YEATS2: variants seen among roughly 807,000 people sequenced by gnomAD.
The protein encoded by YEATS2 is YEATS domain containing 2.
Under a neutral mutation model 163.2 loss-of-function variants are expected in YEATS2, and 77 were observed. That is an observed-to-expected ratio of 0.47 (90% CI 0.39 to 0.57). YEATS2 has a LOEUF of 0.57. Ranked by LOEUF, YEATS2 falls within the 20% of genes least tolerant of loss-of-function variation. The probability of loss-of-function intolerance (pLI) is 0.00; values close to 1 mark genes in which losing one functional copy is unlikely to be tolerated. For synonymous variants in YEATS2, 631 were observed against 645.1 expected, an observed-to-expected ratio of 0.98 and a Z score of 0.33; for missense variants, 1,549 against 1,729.8, an observed-to-expected ratio of 0.90 and a Z score of 1.85.
rs533180291 is a variant in YEATS2, at chr3:183,798,100, TC to T, written c.3226+53del. On this transcript the variant is annotated intron_variant, in intron 22 of 30. Coordinates refer to ENST00000305135, the MANE Select transcript of YEATS2 (RefSeq NM_018023.5). ...TCTGTGCTGTGGCTGCCTCCACATC[TC>T]CCCGCATTTACCAGGTGGTGACTGC... is the stretch of plus-strand genomic sequence containing the variant. The T allele has an allele frequency of 8.0e-3, 12,879 of 1,605,054 alleles. 85 individuals are homozygous for T. Among genetic ancestry groups the T allele is most frequent in the South Asian group, 0.017 (1,551 of 90,714 alleles).
At chr3:183,704,811 TAG>T (rs1714458951) in intron 1 of YEATS2, among the ~76,000 whole-genome samples, 1 of 152,052 alleles carries the variant, frequency 6.6e-6, no homozygotes, top group Non-Finnish European at 1.5e-5. Context: ...GTATTTTTAG[TAG>T]AGACGGGGTT....
At chr3:183,729,206 A>G (rs1298004817) in intron 7 of YEATS2, among the ~76,000 whole-genome samples, 1 of 151,446 alleles carries the variant, frequency 6.6e-6, no homozygotes, top group African/African-American at 2.4e-5. Context: ...AGGGAGGCGG[A>G]GCTTGCAGTG....
rs1027770604 is a variant in YEATS2, at chr3:183,804,013, A to C, written c.3609A>C (p.Lys1203Asn). 3.1e-6 allele frequency: 5 copies of C among 1,614,002 alleles called. No homozygotes were observed. The highest frequency in any genetic ancestry group is 4.2e-6 in the Non-Finnish European group (5 of 1,180,040). ...GGCAAAGAGCAATGACAATGCGAAA[A>C]GTCTTACAAGAAATCCTGGAGAAGA... Reference protein sequence around the residue: ...AEWQRAMTMRKVLQEILEKNP... With the variant: ...AEWQRAMTMRNVLQEILEKNP... Residue 1203 changes from lysine to asparagine, a missense_variant, in exon 27 of 31, where the codon AAA (lysine) becomes AAC (asparagine). Lys to Asn is a moderately conservative substitution (Grantham distance 94). Coordinates refer to ENST00000305135, the MANE Select transcript of YEATS2 (RefSeq NM_018023.5).
intron 7 of YEATS2, among the ~76,000 whole-genome samples, chr3:183,731,680 C>T (rs759987842): frequency 1.3e-5 from 2 of 152,176 alleles, no homozygotes; most frequent in Non-Finnish European, 2.9e-5. Flanking sequence ...TGCTGCAGCT[C>T]CTTATCCAGT....
intron 6 of YEATS2, 122 bp from the exon 7 acceptor site, chr3:183,728,568 G>C (rs1306097610): frequency 4.6e-6 from 4 of 866,218 alleles, no homozygotes; most frequent in Non-Finnish European, 6.8e-6. Context: ...TTGTTTAGGT[G>C]ATGTAGTTGT....
At chr3:183,742,680 ATAAACT>A (rs1719098919) in intron 8 of YEATS2, among the ~76,000 whole-genome samples, 1 of 151,820 alleles carries the variant, frequency 6.6e-6, no homozygotes, top group Non-Finnish European at 1.5e-5. Flanking sequence ...AGAATATTAC[ATAAACT>A]TACTTAATAA....
At chr3:183,784,845 G>A (rs1242749011) in intron 19 of YEATS2, among the ~76,000 whole-genome samples, 1 of 151,044 alleles carries the variant, frequency 6.6e-6, no homozygotes, top group African/African-American at 2.4e-5. Context: ...AGGCTGAGAC[G>A]GGCGGATCAC....
chr3:183,800,632 G>A (rs1396962474), intron 24 of YEATS2, 64 bp downstream of exon 24: 6 of 1,331,690 alleles, frequency 4.5e-6, no homozygotes, highest in African/African-American at 2.9e-5. Flanking sequence ...TGTGACAGCT[G>A]AGTATGTGCA....
At chr3:183,729,383 T>C (rs760327836) in intron 7 of YEATS2, among the ~76,000 whole-genome samples, 2 of 152,126 alleles carry the variant, frequency 1.3e-5, no homozygotes, top group African/African-American at 2.4e-5. Context: ...CTGGTTTTGC[T>C]CCCCTCTGGA....
chr3:183,796,875 G>A (rs1725199797), intron 21 of YEATS2, among the ~76,000 whole-genome samples: 1 of 152,062 alleles, frequency 6.6e-6, no homozygotes, highest in South Asian at 2.1e-4. Flanking sequence ...TAGGACTTTG[G>A]GTGACTTTTT....
chr3:183,731,206 G>C (rs1717738901), intron 7 of YEATS2, among the ~76,000 whole-genome samples: 1 of 151,570 alleles, frequency 6.6e-6, no homozygotes, highest in East Asian at 1.9e-4. Flanking sequence ...GGCTGAGGCA[G>C]GAGAATGGCT....
intron 10 of YEATS2, among the ~76,000 whole-genome samples, chr3:183,752,943 G>A (rs535980887): frequency 1.4e-3 from 209 of 151,478 alleles, no homozygotes; most frequent in African/African-American, 4.9e-3. Context: ...GATTACAGGC[G>A]TCCACCACCG....
intron 1 of YEATS2, among the ~76,000 whole-genome samples, chr3:183,706,673 C>T (rs541353555): frequency 2.6e-5 from 4 of 152,240 alleles, no homozygotes; most frequent in South Asian, 2.1e-4. Flanking sequence ...AAAATTAGCC[C>T]GGCGCGGTGG....
chr3:183,780,438 C>T (rs951575919), intron 19 of YEATS2, among the ~76,000 whole-genome samples: 1 of 152,228 alleles, frequency 6.6e-6, no homozygotes, highest in Non-Finnish European at 1.5e-5. Context: ...GCTTTTATCA[C>T]TTGGCGAGGC....
At chr3:183,797,523 G>T (rs1725266250) in intron 21 of YEATS2, among the ~76,000 whole-genome samples, 1 of 146,164 alleles carries the variant, frequency 6.8e-6, no homozygotes, top group Non-Finnish European at 1.5e-5. Context: ...TTTCAACCTG[G>T]GCAACAGCCT....
chr3:183,715,091 C>A, intron 1 of YEATS2, 53 bp from the exon 2 acceptor site: 1 of 1,137,642 alleles, frequency 8.8e-7, no homozygotes, highest in Non-Finnish European at 1.3e-6. Flanking sequence ...GTTACTACAA[C>A]CCAACTATTT....
intron 8 of YEATS2, among the ~76,000 whole-genome samples, chr3:183,738,537 T>A: frequency 7.6e-6 from 1 of 131,586 alleles, no homozygotes; most frequent in Admixed American, 7.6e-5. Flanking sequence ...TATCTCCCAA[T>A]GCTATCCCTC....
chr3:183,804,299 A>C (rs1020204866), intron 27 of YEATS2, 111 bp downstream of exon 27: 1 of 1,321,508 alleles, frequency 7.6e-7, no homozygotes. Context: ...AGCCTTTCCT[A>C]CCTCCTGCCG....
chr3:183,795,601 C>T (rs761747740), intron 21 of YEATS2, among the ~76,000 whole-genome samples: 15 of 151,558 alleles, frequency 9.9e-5, no homozygotes, highest in Non-Finnish European at 1.8e-4. Flanking sequence ...GCACTTGGCC[C>T]TACACATTCT....
Sources: allele counts gnomAD v4.1 joint callset (sites outside exome capture counted in the v4.1 genomes callset), GRCh38; gene constraint gnomAD v4.1.1; transcripts MANE v1.5; gene names NCBI Gene and HGNC (gene_info 2026-07-23, HGNC 2026-07-21).